RIMBP2: variants seen among roughly 807,000 people sequenced by gnomAD.
The protein encoded by RIMBP2 is RIMS binding protein 2, also known as RIMS-binding protein 2.
A neutral mutation model predicts 118.6 loss-of-function variants in RIMBP2; 48 were observed. The observed-to-expected ratio is 0.40, with a 90% CI of 0.32 to 0.51. The LOEUF (loss-of-function observed/expected upper bound fraction) is 0.51, where lower values mean the gene tolerates loss of function less well. RIMBP2 is among the 20% of genes least tolerant of loss of function. The probability of loss-of-function intolerance (pLI) is 0.41; values close to 1 mark genes in which losing one functional copy is unlikely to be tolerated. For synonymous variants in RIMBP2, 762 were observed against 742.9 expected, an observed-to-expected ratio of 1.03 and a Z score of -0.42; for missense variants, 1,551 against 1,768.3, an observed-to-expected ratio of 0.88 and a Z score of 2.20.
intron 2 of RIMBP2, among the ~76,000 whole-genome samples, chr12:130,603,586 G>A (rs938434422): frequency 7.2e-5 from 11 of 152,210 alleles, no homozygotes; most frequent in African/African-American, 2.7e-4. Context: ...AGATGGGTAA[G>A]TACAGGCATA....
intron 6 of RIMBP2, among the ~76,000 whole-genome samples, chr12:130,459,216 G>A (rs2079753942): frequency 6.6e-6 from 1 of 151,766 alleles, no homozygotes; most frequent in African/African-American, 2.4e-5. Context: ...AGAGCCGTCT[G>A]TACAGCTGAT....
intron 2 of RIMBP2, among the ~76,000 whole-genome samples, chr12:130,545,871 TTATC>T (rs2055093377): frequency 6.6e-6 from 1 of 152,212 alleles, no homozygotes; most frequent in African/African-American, 2.4e-5. Context: ...AATACCGTTC[TTATC>T]TAGTTTATGG....
At chr12:130,519,582 C>T (rs966178784) in intron 2 of RIMBP2, among the ~76,000 whole-genome samples, 2 of 152,192 alleles carry the variant, frequency 1.3e-5, no homozygotes, top group Non-Finnish European at 2.9e-5. Flanking sequence ...ACTGCAGCCT[C>T]TTCAGCATGT....
intron 10 of RIMBP2, among the ~76,000 whole-genome samples, chr12:130,443,858 T>A (rs538038361): frequency 1.3e-5 from 2 of 152,186 alleles, no homozygotes; most frequent in Non-Finnish European, 2.9e-5. Flanking sequence ...ATTGAACAAT[T>A]ACTATGTGCT....
At chr12:130,610,969 GCCTCCGAGTTC>G (rs2060506442) in intron 2 of RIMBP2, among the ~76,000 whole-genome samples, 1 of 152,178 alleles carries the variant, frequency 6.6e-6, no homozygotes, top group South Asian at 2.1e-4. Context: ...TGGCCACTCT[GCCTCCGAGTTC>G]CCTCATTTCT....
At chr12:130,524,515 G>C (rs1022925306) in intron 2 of RIMBP2, among the ~76,000 whole-genome samples, 1 of 152,236 alleles carries the variant, frequency 6.6e-6, no homozygotes, top group East Asian at 1.9e-4. Context: ...ACAGGCACTG[G>C]GGGTAGCAGA....
At position 130,479,015 on chromosome 12, in the gene RIMBP2, T is replaced by C. The variant is rs1381543664; in HGVS notation, c.-2A>G. ...CCGCCGTTCAGCCGCCTCTCGCATA[T>C]GCTGTGGGGACAGAGAGAGGCCTGG... On this transcript the variant is annotated splice_region_variant and 5_prime_UTR_variant, in exon 5 of 23. Transcript: ENST00000690449. 1 of 1,612,766 alleles carries C rather than the reference T, an allele frequency of 6.2e-7. No homozygotes were observed. Among genetic ancestry groups the C allele is most frequent in the Non-Finnish European group, 8.5e-7 (1 of 1,179,294 alleles).
At chr12:130,588,607 C>T (rs893883401) in intron 2 of RIMBP2, among the ~76,000 whole-genome samples, 2 of 152,192 alleles carry the variant, frequency 1.3e-5, no homozygotes, top group East Asian at 3.8e-4. Flanking sequence ...CCAGAGAGGT[C>T]CTCATTGTCA....
rs776745350 is a variant in RIMBP2, at chr12:130,620,072, G to T, written c.-217+8250C>A. Among the ~76,000 whole-genome samples, 12 of 152,136 alleles carry T rather than the reference G, an allele frequency of 7.9e-5. No individual in the cohort carries two copies. The highest frequency in any genetic ancestry group is 1.9e-4 in the African/African-American group (8 of 41,424). ...AGGCTCCTGGACCCCTGCGGCAACCGGTTGAAAAGGGCCTCCGAGGCAGTG... is the reference window on the plus strand; with the variant it reads ...AGGCTCCTGGACCCCTGCGGCAACCTGTTGAAAAGGGCCTCCGAGGCAGTG... On this transcript the variant is annotated intron_variant, in intron 2 of 22. Transcript: ENST00000690449. The surrounding 1 kb of genome is among the most constrained non-coding windows in gnomAD (Gnocchi z 5.3).
chr12:130,628,050 G>A (rs1217267389), intron 2 of RIMBP2, among the ~76,000 whole-genome samples: 1 of 152,142 alleles, frequency 6.6e-6, no homozygotes. Flanking sequence ...CTGTCCATCT[G>A]TCCCCATCTG....
intron 5 of RIMBP2, among the ~76,000 whole-genome samples, chr12:130,477,215 G>C (rs375877825): frequency 6.6e-6 from 1 of 152,158 alleles, no homozygotes; most frequent in Non-Finnish European, 1.5e-5. Context: ...TCGTGGACGC[G>C]GAATAACAGA....
In RIMBP2 at chr12:130,450,417, G is replaced by T. The variant is rs949290221; in HGVS notation, c.505-141C>A. ...GACTGTGGCACTCCCAGGAGGCACT[G>T]CCACCCGCACACCCACATGCGAGCT... On this transcript the variant is annotated intron_variant, in intron 8 of 22. Coordinates refer to ENST00000690449, the MANE Select transcript of RIMBP2 (RefSeq NM_001393629.1). The surrounding 1 kb of genome is among the most constrained non-coding windows in gnomAD (Gnocchi z 4.8). 1.5e-6 allele frequency: 1 copy of T among 665,276 alleles called. No individual in the cohort carries two copies. Among genetic ancestry groups the T allele is most frequent in the Non-Finnish European group, 2.8e-6 (1 of 361,888 alleles). The allele number at this position is 665,276 out of a possible 1,614,324, so 41.2% of individuals were successfully genotyped here. A position where few individuals can be genotyped will look rare whatever the true frequency, so the allele number is the denominator to read the frequency against.
At chr12:130,508,042 C>T (rs1047488741) in intron 3 of RIMBP2, among the ~76,000 whole-genome samples, 1 of 152,116 alleles carries the variant, frequency 6.6e-6, no homozygotes. Context: ...TTTGCTGCAA[C>T]GTGATGTTAT....
intron 4 of RIMBP2, among the ~76,000 whole-genome samples, chr12:130,497,665 G>A (rs1380114982): frequency 1.3e-5 from 2 of 152,292 alleles, no homozygotes; most frequent in Admixed American, 6.5e-5. Context: ...AAACACATGA[G>A]GCTTTTTTTG....
At chr12:130,438,277 C>A in intron 12 of RIMBP2, 88 bp downstream of exon 12, 4 of 1,462,586 alleles carry the variant, frequency 2.7e-6, no homozygotes, top group East Asian at 2.3e-5. Flanking sequence ...AAGAGCAGAC[C>A]CTGCCTCCTC....
At chr12:130,569,000 C>T (rs1348988248) in intron 2 of RIMBP2, among the ~76,000 whole-genome samples, 1 of 150,602 alleles carries the variant, frequency 6.6e-6, no homozygotes, top group East Asian at 2.0e-4. Context: ...CTGACATCTA[C>T]TGCCTTGGAG....
At chr12:130,543,177 T>C (rs1445082220) in intron 2 of RIMBP2, among the ~76,000 whole-genome samples, 2 of 152,200 alleles carry the variant, frequency 1.3e-5, no homozygotes, top group Non-Finnish European at 2.9e-5. Context: ...GACAGTGTAC[T>C]TGAATGGCAT....
intron 4 of RIMBP2, among the ~76,000 whole-genome samples, chr12:130,482,044 T>G (rs540257561): frequency 6.6e-5 from 10 of 150,832 alleles, no homozygotes; most frequent in Non-Finnish European, 1.3e-4. Flanking sequence ...CAAGACAAAC[T>G]GACAGAGCCC....
At chr12:130,505,146 G>C (rs1004889376) in intron 4 of RIMBP2, among the ~76,000 whole-genome samples, 1 of 152,148 alleles carries the variant, frequency 6.6e-6, no homozygotes, top group Non-Finnish European at 1.5e-5. Flanking sequence ...CTCCTCTCTT[G>C]AGGGTTACAT....
Sources: gnomAD v4.1 joint callset for allele counts (sites outside exome capture counted in the v4.1 genomes callset) on GRCh38, gnomAD v4.1.1 for gene constraint, Gnocchi (gnomAD v3.1) non-coding constraint, MANE v1.5 for transcripts, NCBI Gene and HGNC (gene_info 2026-07-23, HGNC 2026-07-21) for gene names.